Variants in CRLF3 observed in about 807,000 individuals in gnomAD.
The protein encoded by CRLF3 is cytokine receptor like factor 3, also known as cytokine receptor-like factor 3.
A neutral mutation model predicts 55.0 loss-of-function variants in CRLF3; 33 were observed. That is an observed-to-expected ratio of 0.60 (90% CI 0.46 to 0.80). The LOEUF (loss-of-function observed/expected upper bound fraction) is 0.80, where lower values mean the gene tolerates loss of function less well. Ranked by LOEUF, CRLF3 falls within the 30% of genes least tolerant of loss-of-function variation. The probability of loss-of-function intolerance (pLI) is 0.00; values close to 1 mark genes in which losing one functional copy is unlikely to be tolerated. For missense variants in CRLF3, 494 were observed against 538.4 expected, an observed-to-expected ratio of 0.92 and a Z score of 0.82; for synonymous variants, 238 against 196.8, an observed-to-expected ratio of 1.21 and a Z score of -1.75.
At chr17:30,789,416 A>T (rs1329609644) in intron 6 of CRLF3, among the ~76,000 whole-genome samples, 1 of 152,242 alleles carries the variant, frequency 6.6e-6, no homozygotes, top group African/African-American at 2.4e-5. Flanking sequence ...GAATTTAAAA[A>T]GCAGGAGAGC....
At chr17:30,789,658 C>T (rs1971742046) in intron 6 of CRLF3, among the ~76,000 whole-genome samples, 1 of 152,052 alleles carries the variant, frequency 6.6e-6, no homozygotes, top group African/African-American at 2.4e-5. Context: ...TTTCCTCATC[C>T]CTAAAATAAA....
At chr17:30,809,058 A>G (rs983946110) in intron 1 of CRLF3, among the ~76,000 whole-genome samples, 2 of 152,208 alleles carry the variant, frequency 1.3e-5, no homozygotes, top group African/African-American at 4.8e-5. Context: ...TCTTTAGCGG[A>G]TATAGCATAC....
At chr17:30,818,746 G>A (rs1040669706) in intron 1 of CRLF3, among the ~76,000 whole-genome samples, 2 of 150,994 alleles carry the variant, frequency 1.3e-5, no homozygotes, top group East Asian at 2.0e-4. Flanking sequence ...GAGCCACCAC[G>A]CCTGGCCAAC....
In CRLF3 at chr17:30,824,594, C is replaced by T; in HGVS notation, c.58G>A (p.Val20Met). 1 of 1,605,366 alleles carries T rather than the reference C, an allele frequency of 6.2e-7. No individual in the cohort carries two copies. The change falls in exon 1 of 8, where the codon GTG becomes ATG. Residue 20 changes from valine (V) to methionine (M), a missense_variant. Val to Met is a conservative substitution (Grantham distance 21, BLOSUM62 1). Transcript: ENST00000324238. ...ELLLQEAREN[V>M]EAAQSYRREL... ...CGCCGGTAGCTCTGCGCTGCCTCCA[C>T]GTTCTCGCGGGCCTCCTGCAACAGC...
Position 30,803,894 on chromosome 17 carries a change from C to A in CRLF3, c.337+7G>T. The A allele has an allele frequency of 6.2e-7, 1 of 1,603,588 alleles. No individual in the cohort carries two copies. The highest frequency in any genetic ancestry group is 8.5e-7 in the Non-Finnish European group (1 of 1,172,252). On this transcript the variant is annotated splice_region_variant and intron_variant, in intron 2 of 7. Transcript: ENST00000324238. ...GCACTAATACAACAGGCTCCCTGGT[C>A]CCCCACCTTCTCGGACTAAGTCCTC... is the stretch of plus-strand genomic sequence containing the variant.
chr17:30,787,173 A>G (rs1255961064), intron 6 of CRLF3, among the ~76,000 whole-genome samples: 1 of 152,216 alleles, frequency 6.6e-6, no homozygotes, highest in African/African-American at 2.4e-5. Flanking sequence ...CCATGATGGC[A>G]CACTTCTATT....
At chr17:30,808,277 A>ATTTTTT (rs71138901) in intron 1 of CRLF3, among the ~76,000 whole-genome samples, 3 of 54,860 alleles carry the variant, frequency 5.5e-5, no homozygotes, top group African/African-American at 1.3e-4. Context: ...TAGAACCTAT[A>ATTTTTT]TTTTTTTTTT....
chr17:30,788,449 G>T (rs946329692), intron 6 of CRLF3, among the ~76,000 whole-genome samples: 3 of 151,824 alleles, frequency 2.0e-5, no homozygotes, highest in Admixed American at 1.3e-4. Flanking sequence ...GGAAGGAGGG[G>T]GTTGCTAGCA....
At chr17:30,815,262 T>A (rs1394171848) in intron 1 of CRLF3, among the ~76,000 whole-genome samples, 1 of 151,504 alleles carries the variant, frequency 6.6e-6, no homozygotes, top group Non-Finnish European at 1.5e-5. Flanking sequence ...ATTTTTGAAT[T>A]TTTAGTAGAG....
intron 1 of CRLF3, among the ~76,000 whole-genome samples, chr17:30,818,178 T>G (rs992500462): frequency 1.3e-5 from 2 of 151,848 alleles, no homozygotes; most frequent in African/African-American, 4.8e-5. Flanking sequence ...GAGAATTGCT[T>G]GAACCTGGGA....
intron 2 of CRLF3, among the ~76,000 whole-genome samples, chr17:30,799,683 T>C (rs892065843): frequency 6.8e-4 from 103 of 152,246 alleles, no homozygotes; most frequent in African/African-American, 2.3e-3. Flanking sequence ...TTTTGTATTT[T>C]TAGTAGAGAC....
Position 30,793,600 on chromosome 17 carries a change from C to A in CRLF3, c.676G>T (p.Val226Leu). The change falls in exon 5 of 8, where the codon GTA (valine) becomes TTA (leucine). Residue 226 changes from valine to leucine, a missense_variant. Physicochemically the swap from Val to Leu is conservative, Grantham distance 32. Transcript: ENST00000324238. Reference sequence around the variant, plus strand: ...AATTCAGTTTCAGAACCTACATATACATCCTCAAAATGATTTGAAGTACAT... The same window carrying A: ...AATTCAGTTTCAGAACCTACATATAAATCCTCAAAATGATTTGAAGTACAT... ...RKCTSNHFEDVYVGSETEFIV... is the reference protein window; with the variant it reads ...RKCTSNHFEDLYVGSETEFIV... 6.2e-7 allele frequency: 1 copy of A among 1,614,072 alleles called. No homozygotes were observed.
At chr17:30,813,168 A>G (rs11871607) in intron 1 of CRLF3, among the ~76,000 whole-genome samples, 20,712 of 152,248 alleles carry the variant, frequency 0.14, 1,857 homozygotes, top group Non-Finnish European at 0.19. Context: ...TACACGCTTA[A>G]TTCTTGATTA....
chr17:30,810,323 G>A (rs2142267567), intron 1 of CRLF3, among the ~76,000 whole-genome samples: 1 of 152,238 alleles, frequency 6.6e-6, no homozygotes, highest in Non-Finnish European at 1.5e-5. Flanking sequence ...ACTTTGGGAG[G>A]CCCAGGCAGG....
chr17:30,786,304 A>C (rs1424870523), intron 6 of CRLF3: 5 of 245,506 alleles, frequency 2.0e-5, no homozygotes, highest in Non-Finnish European at 3.9e-5. Context: ...CGGTGGTGCG[A>C]CCTTGGCTCA....
At position 30,784,058 on chromosome 17, in the gene CRLF3, A is replaced by T; in HGVS notation, c.*129T>A. ...TTTTTGCTAAAATATTACAAAATGA[A>T]TCCAGTAAACACTTTCCAATGGCCT... On this transcript the variant is annotated 3_prime_UTR_variant, in exon 8 of 8. Coordinates refer to ENST00000324238, the MANE Select transcript of CRLF3 (RefSeq NM_015986.4). 6.6e-6 allele frequency: 5 copies of T among 753,786 alleles called. No individual in the cohort carries two copies. Among genetic ancestry groups the T allele is most frequent in the Non-Finnish European group, 8.6e-6 (4 of 466,828 alleles). The allele number at this position is 753,786 out of a possible 1,614,324, so 46.7% of individuals were successfully genotyped here. A position where few individuals can be genotyped will look rare whatever the true frequency, so the allele number is the denominator to read the frequency against.
chr17:30,789,739 A>G (rs1368951865), intron 6 of CRLF3, among the ~76,000 whole-genome samples: 5 of 152,246 alleles, frequency 3.3e-5, no homozygotes, highest in Non-Finnish European at 7.3e-5. Flanking sequence ...TTAAGACAGT[A>G]CATGGCACAT....
At chr17:30,816,929 T>C (rs892834993) in intron 1 of CRLF3, among the ~76,000 whole-genome samples, 3 of 152,154 alleles carry the variant, frequency 2.0e-5, no homozygotes, top group Non-Finnish European at 4.4e-5. Flanking sequence ...GATGATACCA[T>C]CTAGGTTTGT....
At chr17:30,786,230 A>G (rs1263252560) in intron 6 of CRLF3, 199 bp from the exon 7 acceptor site, 2 of 445,072 alleles carry the variant, frequency 4.5e-6, no homozygotes, top group Non-Finnish European at 7.9e-6. Context: ...ACAACAATCT[A>G]TGAGGTAGGT....
Sources: allele counts gnomAD v4.1 joint callset (sites outside exome capture counted in the v4.1 genomes callset), GRCh38; gene constraint gnomAD v4.1.1; transcripts MANE v1.5; gene names NCBI Gene and HGNC (gene_info 2026-07-23, HGNC 2026-07-21).